The following PEBP4 variants were observed in gnomAD, a reference collection of about 807,000 sequenced individuals.
PEBP4 encodes phosphatidylethanolamine binding protein 4.
PEBP4 carries 22 observed loss-of-function variants against 23.9 expected under a neutral mutation model. The ratio of observed to expected loss-of-function variants is 0.92; its 90% CI spans 0.66 to 1.31. The LOEUF is 1.31. Among genes scored for constraint, PEBP4 ranks in the 40% most tolerant of loss-of-function variants. PEBP4 has a pLI of 0.00. For synonymous variants in PEBP4, 112 were observed against 99.3 expected (o/e 1.13, Z -0.76); for missense variants, 324 against 281.7 (o/e 1.15, Z -1.07).
intron 4 of PEBP4, among the ~76,000 whole-genome samples, chr8:22,798,899 G>A (rs928356159): frequency 4.0e-5 from 6 of 151,130 alleles, no homozygotes; most frequent in African/African-American, 1.2e-4. Flanking sequence ...CACCATGCCC[G>A]GCTAATTTGT....
intron 3 of PEBP4, among the ~76,000 whole-genome samples, chr8:22,875,040 T>C (rs1315722732): frequency 6.6e-6 from 1 of 152,208 alleles, no homozygotes; most frequent in East Asian, 1.9e-4. Context: ...ACTTCTTCTC[T>C]GCTTCTCCAT....
At chr8:22,716,318 T>A (rs1804418541) in intron 6 of PEBP4, among the ~76,000 whole-genome samples, 1 of 152,174 alleles carries the variant, frequency 6.6e-6, no homozygotes, top group South Asian at 2.1e-4. Flanking sequence ...TGGTCAGTGC[T>A]GATAGGAAAG....
chr8:22,723,453 C>T (rs1040563529), intron 6 of PEBP4, among the ~76,000 whole-genome samples: 6 of 152,126 alleles, frequency 3.9e-5, no homozygotes, highest in Non-Finnish European at 7.4e-5. Flanking sequence ...ACTTCACCCC[C>T]GAGAGACTCC....
chr8:22,938,158 G>GA (rs1366009049), intron 1 of PEBP4, among the ~76,000 whole-genome samples: 55 of 149,192 alleles, frequency 3.7e-4, no homozygotes, highest in East Asian at 1.8e-3. Context: ...CAGAATGAGA[G>GA]AAAAAAAAAA....
chr8:22,728,551 T>TTCCTTCCTTC (rs1563196278), intron 4 of PEBP4, among the ~76,000 whole-genome samples: 3 of 75,656 alleles, frequency 4.0e-5, no homozygotes, highest in African/African-American at 9.2e-5. Context: ...TTCCTTTCTT[T>TTCCTTCCTTC]CTTTCTTTCT....
intron 4 of PEBP4, among the ~76,000 whole-genome samples, chr8:22,773,523 C>G (rs537722477): frequency 6.6e-6 from 1 of 152,220 alleles, no homozygotes. Flanking sequence ...TCCTGTGGCT[C>G]TCACTGTCTC....
At chr8:22,874,962 T>G (rs924804367) in intron 3 of PEBP4, among the ~76,000 whole-genome samples, 3 of 152,124 alleles carry the variant, frequency 2.0e-5, no homozygotes, top group Admixed American at 2.0e-4. Context: ...CAGCTGTCCA[T>G]TGGGGCTTTA....
At chr8:22,899,211 T>C (rs768008233) in intron 3 of PEBP4, among the ~76,000 whole-genome samples, 5 of 152,134 alleles carry the variant, frequency 3.3e-5, no homozygotes, top group South Asian at 2.1e-4. Flanking sequence ...TCTCTGGAGG[T>C]AGAAAATCTG....
At chr8:22,772,685 TC>T (rs1805739780) in intron 4 of PEBP4, among the ~76,000 whole-genome samples, 1 of 152,094 alleles carries the variant, frequency 6.6e-6, no homozygotes, top group South Asian at 2.1e-4. Context: ...ATTCAGTGCC[TC>T]TGCGCAGGCC....
intron 4 of PEBP4, among the ~76,000 whole-genome samples, chr8:22,728,587 C>T (rs1449948698): frequency 2.9e-5 from 4 of 136,490 alleles, no homozygotes; most frequent in African/African-American, 8.2e-5. Flanking sequence ...TTCCTTCCTT[C>T]CTTCCTTCCT....
intron 3 of PEBP4, among the ~76,000 whole-genome samples, chr8:22,827,969 T>A (rs1344823276): frequency 6.6e-6 from 1 of 152,248 alleles, no homozygotes; most frequent in Non-Finnish European, 1.5e-5. Context: ...CCCTAAGGAC[T>A]AGTGATGTTG....
At chr8:22,891,828 C>T (rs1808500579) in intron 3 of PEBP4, among the ~76,000 whole-genome samples, 1 of 152,232 alleles carries the variant, frequency 6.6e-6, no homozygotes, top group South Asian at 2.1e-4. Flanking sequence ...AATCCCAGCA[C>T]TTCGGGAGGC....
chr8:22,866,758 CT>C (rs369916075), intron 3 of PEBP4, among the ~76,000 whole-genome samples: 1,540 of 147,854 alleles, frequency 0.01, 16 homozygotes, highest in African/African-American at 0.031. Flanking sequence ...TTGTTTTCTT[CT>C]TTTTTTTTTA....
rs750080189 is a variant in PEBP4 at position 22,927,594 on chromosome 8, G to A, written c.121C>T (p.Leu41Phe). The A allele has an allele frequency of 1.1e-5, 18 of 1,610,886 alleles. No individual in the cohort carries two copies. In the South Asian group the frequency reaches 1.7e-4, roughly 15 times the overall value. ...AHEALLDEDTLFCQGLEVFYP... is the reference protein window; with the variant it reads ...AHEALLDEDTFFCQGLEVFYP... The stretch of plus-strand genomic sequence containing the variant: ...CCTGCCCTGACTTACTGGCAAAAGA[G>A]GGTGTCCTCGTCCAAGAGGGCCTCA... Residue 41 changes from leucine (L) to phenylalanine (F), a missense_variant, in exon 2 of 7, where the codon CTC becomes TTC. Physicochemically the swap from Leu to Phe is conservative, Grantham distance 22. Coordinates refer to ENST00000256404, the MANE Select transcript of PEBP4 (RefSeq NM_144962.3).
chr8:22,938,879 A>G (rs1487229382), intron 1 of PEBP4, among the ~76,000 whole-genome samples: 1 of 152,200 alleles, frequency 6.6e-6, no homozygotes, highest in Non-Finnish European at 1.5e-5. Context: ...TGCTTAATAA[A>G]TCGTTACATA....
At chr8:22,805,022 C>T (rs955973862) in intron 4 of PEBP4, among the ~76,000 whole-genome samples, 10 of 152,268 alleles carry the variant, frequency 6.6e-5, no homozygotes, top group Admixed American at 2.0e-4. Context: ...CTCATCTCCA[C>T]GGTTCTCAGG....
At position 22,927,646 on chromosome 8, in the gene PEBP4, G is replaced by T. The variant is rs2175192; in HGVS notation, c.69C>A (p.Asp23Glu). The part of the protein sequence containing the change: ...LLGLMMVVTG[D>E]EDENSPCAHE... ...GGGCACACGGGCTGTTCTCATCCTCGTCTCCAGTGACCACCATCATGAGAC... is the reference window on the plus strand; with the variant it reads ...GGGCACACGGGCTGTTCTCATCCTCTTCTCCAGTGACCACCATCATGAGAC... Residue 23 changes from aspartate to glutamate, a missense_variant, in exon 2 of 7, where the codon GAC (aspartate) becomes GAA (glutamate). Physicochemically the swap from Asp to Glu is conservative, Grantham distance 45. Transcript: ENST00000256404. The T allele has an allele frequency of 1.2e-5, 20 of 1,613,754 alleles. No individual in the cohort carries two copies. Among genetic ancestry groups the T allele is most frequent in the Non-Finnish European group, 1.7e-5 (20 of 1,179,890 alleles).
At position 22,724,945 on chromosome 8, in the gene PEBP4, G is replaced by C; in HGVS notation, c.415C>G (p.Pro139Ala). ...AAGCCACTGTGTGCCGGTGGGGAGG[G>C]AGCCTGGTAGGCTATAGGTAGAAGC... is the stretch of plus-strand genomic sequence containing the variant. ...QGQELSAYQA[P>A]SPPAHSGFHR... Residue 139 changes from proline to alanine, a missense_variant, in exon 6 of 7, where the codon CCC becomes GCC. Pro to Ala is a conservative substitution (Grantham distance 27). Coordinates refer to ENST00000256404, the MANE Select transcript of PEBP4 (RefSeq NM_144962.3). 8 of 1,613,472 alleles carry C rather than the reference G, an allele frequency of 5.0e-6. No homozygotes were observed. Among genetic ancestry groups the C allele is most frequent in the Non-Finnish European group, 5.9e-6 (7 of 1,179,500 alleles).
At chr8:22,745,122 A>C (rs1411085120) in intron 4 of PEBP4, among the ~76,000 whole-genome samples, 2 of 152,158 alleles carry the variant, frequency 1.3e-5, no homozygotes, top group African/African-American at 4.8e-5. Context: ...ATTTCTCTGG[A>C]GACTTCGGAC....
Sources: allele counts gnomAD v4.1 joint callset (sites outside exome capture counted in the v4.1 genomes callset), GRCh38; gene constraint gnomAD v4.1.1; transcripts MANE v1.5; gene names NCBI Gene and HGNC (gene_info 2026-07-23, HGNC 2026-07-21).